The following KANK1 variants were observed in gnomAD, a reference collection of about 807,000 sequenced individuals.
KANK1 encodes KN motif and ankyrin repeat domains 1, also known as KN motif and ankyrin repeat domain-containing protein 1.
A neutral mutation model predicts 106.2 loss-of-function variants in KANK1; 109 were observed. The observed-to-expected ratio is 1.03, with a 90% CI of 0.88 to 1.20. The LOEUF (loss-of-function observed/expected upper bound fraction) is 1.20, where lower values mean the gene tolerates loss of function less well. KANK1 is among the 50% of genes most tolerant of loss of function. The pLI is 0.00. For missense variants in KANK1, 2,399 were observed against 1,710.7 expected, an observed-to-expected ratio of 1.40 and a Z score of -7.10; for synonymous variants, 873 against 652.2, an observed-to-expected ratio of 1.34 and a Z score of -5.16.
At chr9:564,089 T>C (rs879395156) in intron 1 of KANK1, among the ~76,000 whole-genome samples, 1 of 151,126 alleles carries the variant, frequency 6.6e-6, no homozygotes, top group Non-Finnish European at 1.5e-5. Flanking sequence ...AGACAGAGTC[T>C]TGCTCTGTCG....
chr9:470,301 G>T (rs2057992896), exon 1 of KANK1: 1 of 152,114 alleles, frequency 6.6e-6, no homozygotes, highest in Admixed American at 6.6e-5. Context: ...GCCCGAGGGT[G>T]TTTCGGGGCG....
intron 3 of KANK1, among the ~76,000 whole-genome samples, chr9:479,183 T>G (rs2058160145): frequency 6.6e-6 from 1 of 152,232 alleles, no homozygotes. Context: ...TCATCAAAAT[T>G]CCTTTTCCAT....
intron 1 of KANK1, among the ~76,000 whole-genome samples, chr9:505,734 C>T (rs1039522985): frequency 6.6e-6 from 1 of 152,326 alleles, no homozygotes; most frequent in African/African-American, 2.4e-5. Flanking sequence ...AGGGTCAGCC[C>T]ATCTTATTAA....
chr9:482,713 C>G (rs1354432084), intron 3 of KANK1, among the ~76,000 whole-genome samples: 3 of 152,210 alleles, frequency 2.0e-5, no homozygotes, highest in Non-Finnish European at 4.4e-5. Flanking sequence ...ACCTGCTGGC[C>G]TATCATTGGA....
rs536937425 is a variant in KANK1 at position 515,293 on chromosome 9, C to T, written c.-84+10539C>T. Among the ~76,000 whole-genome samples, 10 of 149,548 alleles carry T rather than the reference C, an allele frequency of 6.7e-5. No homozygotes were observed. In the South Asian group the frequency reaches 1.9e-3, roughly 28 times the overall value. The stretch of plus-strand genomic sequence containing the variant: ...CCAGGAGGCGGAGCTTGCAGTGAGC[C>T]GAGATCGTGCCACTGCCCTCCAGCC... On this transcript the variant is annotated intron_variant, in intron 1 of 11. Transcript: ENST00000382297.
At chr9:482,381 T>C (rs1294331235) in intron 3 of KANK1, among the ~76,000 whole-genome samples, 1 of 152,238 alleles carries the variant, frequency 6.6e-6, no homozygotes, top group African/African-American at 2.4e-5. Flanking sequence ...GTTGGGGTAC[T>C]AAGTGCCATC....
At chr9:490,332 C>T (rs570368735) in intron 3 of KANK1, among the ~76,000 whole-genome samples, 42 of 152,148 alleles carry the variant, frequency 2.8e-4, no homozygotes, top group Admixed American at 1.6e-3. Context: ...AAAGTGATAC[C>T]TCATCCCTAC....
At chr9:716,664 G>T (rs1827791526) in intron 3 of KANK1, among the ~76,000 whole-genome samples, 1 of 152,124 alleles carries the variant, frequency 6.6e-6, no homozygotes, top group South Asian at 2.1e-4. Flanking sequence ...TGATGATGGT[G>T]TCACTTTTCA....
intron 7 of KANK1, among the ~76,000 whole-genome samples, chr9:736,810 A>C (rs1833923286): frequency 6.6e-6 from 1 of 152,200 alleles, no homozygotes; most frequent in African/African-American, 2.4e-5. Context: ...AAAACCATAA[A>C]ATCTCACTGC....
At chr9:621,168 T>C (rs760654590) in intron 1 of KANK1, among the ~76,000 whole-genome samples, 2 of 152,214 alleles carry the variant, frequency 1.3e-5, no homozygotes, top group Non-Finnish European at 2.9e-5. Flanking sequence ...AATTTTTCTT[T>C]GGGGCCTCAC....
At chr9:705,862 A>AGCTGGG (rs755625446) in intron 2 of KANK1, among the ~76,000 whole-genome samples, 15 of 152,114 alleles carry the variant, frequency 9.9e-5, no homozygotes, top group Non-Finnish European at 1.8e-4. Flanking sequence ...CGGTCTCCCA[A>AGCTGGG]AGTGCTGGGA....
chr9:505,393 A>G (rs1007124385), intron 1 of KANK1, among the ~76,000 whole-genome samples: 7 of 152,128 alleles, frequency 4.6e-5, no homozygotes, highest in African/African-American at 1.2e-4. Context: ...GGGCGGCCCA[A>G]CCCGGCGCGG....
intron 1 of KANK1, among the ~76,000 whole-genome samples, chr9:564,328 C>T (rs4742101): frequency 0.06 from 9,157 of 152,154 alleles, 550 homozygotes; most frequent in East Asian, 0.29. Flanking sequence ...TCCCAAAGTG[C>T]TGGGATTACA....
At chr9:581,420 A>G (rs1426225532) in intron 1 of KANK1, among the ~76,000 whole-genome samples, 1 of 152,220 alleles carries the variant, frequency 6.6e-6, no homozygotes, top group East Asian at 1.9e-4. Context: ...ATCTGTTTTA[A>G]AAGTGTCCTT....
intron 2 of KANK1, among the ~76,000 whole-genome samples, chr9:686,458 A>G (rs1287618136): frequency 1.3e-5 from 2 of 152,178 alleles, no homozygotes; most frequent in East Asian, 3.8e-4. Flanking sequence ...TCAAGTGGTG[A>G]ATCAGCCTGA....
Position 712,147 on chromosome 9 carries a change from A to G in KANK1, c.1381A>G (p.Thr461Ala), listed in dbSNP as rs1254690399. 1 of 1,614,050 alleles carries G rather than the reference A, an allele frequency of 6.2e-7. No individual in the cohort carries two copies. Among genetic ancestry groups the G allele is most frequent in the East Asian group, 2.2e-5 (1 of 44,898 alleles). ...ADKEIELQQQTIESLKEKIYR... is the reference protein window; with the variant it reads ...ADKEIELQQQAIESLKEKIYR... ...CAAAGAAATTGAGCTGCAACAGCAG[A>G]CCATAGAATCCTTGAAGGAAAAGAT... Residue 461 changes from threonine (T) to alanine (A), a missense_variant, in exon 3 of 12, where the codon ACC (threonine) becomes GCC (alanine). Thr to Ala is a moderately conservative substitution (Grantham distance 58). Transcript: ENST00000382297.
chr9:728,071 CAAT>C (rs1162337077), intron 3 of KANK1, among the ~76,000 whole-genome samples: 8 of 152,100 alleles, frequency 5.3e-5, no homozygotes, highest in Non-Finnish European at 1.0e-4. Flanking sequence ...CTCTTTATAC[CAAT>C]AAGATAACAA....
Position 514,210 on chromosome 9 carries a change from CCCTCCCTCCCTT to C in KANK1, c.-84+9468_-84+9479del, listed in dbSNP as rs1473414913. Among the ~76,000 whole-genome samples the C allele has an allele frequency of 1.4e-4, 12 of 86,886 alleles. 1 individual carries two copies. Among genetic ancestry groups the C allele is most frequent in the Non-Finnish European group, 2.4e-4 (12 of 50,492 alleles). The allele number at this position is 86,886 out of a possible 152,430, so 57.0% of individuals were successfully genotyped here. ...TCCCTCCCTTCCTCCCTCCCTCTCT[CCCTCCCTCCCTT>C]CCTCCCTCCCTCCCTCCCTTCCTTC... On this transcript the variant is annotated intron_variant, in intron 1 of 11. Transcript: ENST00000382297.
At chr9:476,802 T>A (rs373547390) in intron 3 of KANK1, 1 of 152,244 alleles carries the variant, frequency 6.6e-6, no homozygotes, top group African/African-American at 2.4e-5. Flanking sequence ...ATCCATATTA[T>A]TTAATGGATG....
Sources: gnomAD v4.1 joint callset for allele counts (sites outside exome capture counted in the v4.1 genomes callset) on GRCh38, gnomAD v4.1.1 for gene constraint, MANE v1.5 for transcripts, NCBI Gene and HGNC (gene_info 2026-07-23, HGNC 2026-07-21) for gene names.